Variants in STPG2 observed in about 807,000 individuals in gnomAD.
STPG2 encodes the protein sperm tail PG-rich repeat containing 2.
In STPG2, 56 loss-of-function variants were observed where a neutral mutation model predicts 54.2. That is an observed-to-expected ratio of 1.03 (90% CI 0.83 to 1.29). STPG2 has a LOEUF of 1.29. STPG2 is among the 50% of genes most tolerant of loss of function. STPG2 has a pLI of 0.00. For synonymous variants in STPG2, 200 were observed against 181.8 expected (o/e 1.10, Z -0.81); for missense variants, 596 against 544.9 (o/e 1.09, Z -0.93).
At chr4:97,836,134 G>A (rs911393218) in intron 9 of STPG2, among the ~76,000 whole-genome samples, 14 of 152,014 alleles carry the variant, frequency 9.2e-5, no homozygotes, top group Non-Finnish European at 1.6e-4. Context: ...CATTTTTAAA[G>A]AAGTTCTATT....
At chr4:97,465,884 T>C (rs1373040560) in intron 4 of STPG2, among the ~76,000 whole-genome samples, 1 of 152,076 alleles carries the variant, frequency 6.6e-6, no homozygotes, top group Non-Finnish European at 1.5e-5. Context: ...GAGGGTGAAC[T>C]GTAATGTTCT....
At chr4:97,859,627 G>A (rs1159458223) in intron 8 of STPG2, among the ~76,000 whole-genome samples, 2 of 152,022 alleles carry the variant, frequency 1.3e-5, no homozygotes, top group Non-Finnish European at 2.9e-5. Flanking sequence ...ACCATGCCTA[G>A]CTAATTTTTG....
chr4:98,016,593 C>G (rs574257261), intron 5 of STPG2, among the ~76,000 whole-genome samples: 1 of 152,234 alleles, frequency 6.6e-6, no homozygotes, highest in African/African-American at 2.4e-5. Flanking sequence ...TTCAGCTCCA[C>G]AATTTCTGTT....
chr4:97,952,417 T>C (rs1733506852), intron 7 of STPG2, among the ~76,000 whole-genome samples: 1 of 152,178 alleles, frequency 6.6e-6, no homozygotes. Flanking sequence ...AGCAAAAAGA[T>C]CTGGGACTCA....
chr4:97,595,645 A>T (rs1733270464), intron 10 of STPG2, among the ~76,000 whole-genome samples: 1 of 152,210 alleles, frequency 6.6e-6, no homozygotes, highest in African/African-American at 2.4e-5. Context: ...ATTCCAACCA[A>T]GAATTTAATA....
intron 4 of STPG2, among the ~76,000 whole-genome samples, chr4:97,463,866 T>A (rs1729727600): frequency 6.6e-6 from 1 of 152,222 alleles, no homozygotes. Flanking sequence ...ATTCATCGAA[T>A]GTTCTTTTTC....
At chr4:97,819,847 T>C (rs1285084365) in intron 9 of STPG2, among the ~76,000 whole-genome samples, 2 of 152,102 alleles carry the variant, frequency 1.3e-5, no homozygotes, top group East Asian at 1.9e-4. Context: ...AATGAAAAAA[T>C]TGAAAAACCA....
chr4:97,557,054 G>A (rs1347188478), downstream of STPG2, among the ~76,000 whole-genome samples: 1 of 152,026 alleles, frequency 6.6e-6, no homozygotes, highest in Non-Finnish European at 1.5e-5. Context: ...GGTGGCACAC[G>A]CCTGTAGTCC....
chr4:97,823,323 T>C (rs1728143325), intron 9 of STPG2, among the ~76,000 whole-genome samples: 1 of 152,210 alleles, frequency 6.6e-6, no homozygotes, highest in South Asian at 2.1e-4. Context: ...AAGTCAATGC[T>C]CATTTACCAT....
rs1733049004 is a variant in STPG2, at chr4:97,588,239, C to A, written c.1321-29122G>T. Among the ~76,000 whole-genome samples the A allele has an allele frequency of 4.6e-5, 7 of 151,442 alleles. No homozygotes were observed. The South Asian group carries it at 1.5e-3, about 32-fold the overall frequency. The stretch of plus-strand genomic sequence containing the variant: ...AGAAATAAATCAGAACTAGCTTCCT[C>A]AAAAGACTGATAAATTTGATTAAAA... On this transcript the variant is annotated intron_variant, in intron 10 of 10. Coordinates refer to ENST00000295268, the MANE Select transcript of STPG2 (RefSeq NM_174952.3).
chr4:97,850,405 T>C lies in STPG2; in HGVS notation c.1045-9473A>G, dbSNP rs113016741. Among the ~76,000 whole-genome samples the C allele has an allele frequency of 3.5e-3, 524 of 151,724 alleles. 4 individuals are homozygous for C. Among genetic ancestry groups the C allele is most frequent in the African/African-American group, 0.012 (504 of 41,510 alleles). Reference sequence around the variant, plus strand: ...AAGAAAACTTAATGTATACTTCTTATGATGTTGTAAATACCAACGTATTAT... The same window carrying C: ...AAGAAAACTTAATGTATACTTCTTACGATGTTGTAAATACCAACGTATTAT... On this transcript the variant is annotated intron_variant, in intron 8 of 10. Transcript: ENST00000295268.
intron 4 of STPG2, among the ~76,000 whole-genome samples, chr4:97,486,528 G>A (rs141067761): frequency 0.03 from 4,555 of 151,786 alleles, 203 homozygotes; most frequent in African/African-American, 0.1. Context: ...AGATGTTGGC[G>A]TGGATGCAGT....
intron 4 of STPG2, among the ~76,000 whole-genome samples, chr4:97,548,148 C>CCCAAA: frequency 8.7e-6 from 1 of 114,392 alleles, no homozygotes. Flanking sequence ...GAAACTCTGT[C>CCCAAA]TCAAAACAAA....
intron 5 of STPG2, among the ~76,000 whole-genome samples, chr4:98,031,240 T>C (rs191934074): frequency 1.9e-3 from 287 of 152,296 alleles, no homozygotes; most frequent in African/African-American, 6.8e-3. Flanking sequence ...TAACTTTATA[T>C]AAAAATCAAC....
chr4:97,679,470 GTTGT>G (rs1484592198), intron 10 of STPG2, among the ~76,000 whole-genome samples: 1 of 151,816 alleles, frequency 6.6e-6, no homozygotes, highest in Non-Finnish European at 1.5e-5. Context: ...TTTTGATGGG[GTTGT>G]TTGTTTTTTT....
intron 4 of STPG2, among the ~76,000 whole-genome samples, chr4:97,471,083 T>A (rs978968826): frequency 2.6e-5 from 4 of 152,168 alleles, no homozygotes; most frequent in Admixed American, 6.5e-5. Flanking sequence ...ACTGACATCC[T>A]GGGAAGAATG....
intron 4 of STPG2, among the ~76,000 whole-genome samples, chr4:97,479,141 C>T (rs922754259): frequency 6.7e-6 from 1 of 149,346 alleles, no homozygotes; most frequent in Non-Finnish European, 1.5e-5. Flanking sequence ...CATGTGTATA[C>T]ACACACACAC....
At chr4:98,135,986 T>C (rs571149280) in intron 1 of STPG2, among the ~76,000 whole-genome samples, 3 of 151,738 alleles carry the variant, frequency 2.0e-5, no homozygotes, top group East Asian at 1.9e-4. Flanking sequence ...CAGGAAAATA[T>C]GACCCATAAA....
chr4:97,819,718 T>G (rs570613607), intron 9 of STPG2, among the ~76,000 whole-genome samples: 1 of 152,188 alleles, frequency 6.6e-6, no homozygotes, highest in African/African-American at 2.4e-5. Context: ...TATTTTGCTG[T>G]AAAATTTAAA....
Sources: allele counts gnomAD v4.1 joint callset (sites outside exome capture counted in the v4.1 genomes callset), GRCh38; gene constraint gnomAD v4.1.1; transcripts MANE v1.5; gene names NCBI Gene and HGNC (gene_info 2026-07-23, HGNC 2026-07-21).